MED27: variants seen among roughly 807,000 people sequenced by gnomAD.
MED27 encodes mediator of RNA polymerase II transcription subunit 27.
MED27 carries 30 observed loss-of-function variants against 38.2 expected under a neutral mutation model. The ratio of observed to expected loss-of-function variants is 0.79; its 90% CI spans 0.59 to 1.07. MED27 has a LOEUF of 1.07. Among genes scored for constraint, MED27 ranks in the 50% least tolerant of loss-of-function variants. The pLI is 0.00. For synonymous variants in MED27, 122 were observed against 153.5 expected (o/e 0.79, Z 1.52); for missense variants, 289 against 397.5 (o/e 0.73, Z 2.32).
chr9:131,966,036 C>G (rs1044375401), intron 3 of MED27, among the ~76,000 whole-genome samples: 1 of 149,856 alleles, frequency 6.7e-6, no homozygotes, highest in Non-Finnish European at 1.5e-5. Context: ...AGAGGACTTC[C>G]ACCTTGCAGT....
chr9:131,931,311 T>A (rs1377369104), intron 4 of MED27, among the ~76,000 whole-genome samples: 4 of 152,026 alleles, frequency 2.6e-5, no homozygotes, highest in African/African-American at 7.2e-5. Flanking sequence ...AAGATAGTAT[T>A]TGCAAACTTC....
chr9:131,937,342 G>A (rs1019636926), intron 4 of MED27, among the ~76,000 whole-genome samples: 3 of 152,120 alleles, frequency 2.0e-5, no homozygotes, highest in Admixed American at 2.0e-4. Context: ...TTCCTGTGTC[G>A]CTGAAGAAAG....
At chr9:132,069,365 A>G (rs1176125840) in intron 2 of MED27, among the ~76,000 whole-genome samples, 2 of 152,184 alleles carry the variant, frequency 1.3e-5, no homozygotes, top group African/African-American at 4.8e-5. Context: ...TAAAGTGACT[A>G]TTTTCAGAAA....
chr9:131,887,446 C>G (rs1292495076), intron 5 of MED27, among the ~76,000 whole-genome samples: 1 of 152,166 alleles, frequency 6.6e-6, no homozygotes, highest in Non-Finnish European at 1.5e-5. Flanking sequence ...CCATAGGGCC[C>G]TCTTTTGCTA....
At chr9:132,019,743 T>C (rs1021313437) in intron 2 of MED27, among the ~76,000 whole-genome samples, 6 of 152,248 alleles carry the variant, frequency 3.9e-5, no homozygotes, top group African/African-American at 1.2e-4. Context: ...CCCGCGGGGA[T>C]AGGTATGCTG....
At chr9:132,024,036 G>C (rs546176157) in intron 2 of MED27, among the ~76,000 whole-genome samples, 25 of 152,294 alleles carry the variant, frequency 1.6e-4, no homozygotes, top group African/African-American at 5.8e-4. Context: ...CCATGAAGCA[G>C]CAAAGGCTGA....
intron 2 of MED27, among the ~76,000 whole-genome samples, chr9:132,053,399 C>T (rs909485538): frequency 5.3e-5 from 8 of 152,028 alleles, no homozygotes; most frequent in Non-Finnish European, 1.0e-4. Flanking sequence ...CAATATAGTA[C>T]ACCAGGGAGA....
intron 4 of MED27, among the ~76,000 whole-genome samples, chr9:131,901,408 T>A (rs1829946242): frequency 6.6e-6 from 1 of 152,134 alleles, no homozygotes; most frequent in Non-Finnish European, 1.5e-5. Flanking sequence ...AACTGAGGCC[T>A]AGGGAGGTTA....
chr9:131,971,705 T>A (rs1831481705), intron 3 of MED27, among the ~76,000 whole-genome samples: 1 of 152,086 alleles, frequency 6.6e-6, no homozygotes, highest in East Asian at 1.9e-4. Flanking sequence ...TGGGCTAGAC[T>A]GGGAGTGGGG....
intron 3 of MED27, among the ~76,000 whole-genome samples, chr9:131,989,828 C>T (rs985536887): frequency 7.9e-5 from 12 of 151,722 alleles, no homozygotes; most frequent in Admixed American, 3.3e-4. Flanking sequence ...ACTATCAATT[C>T]GCCTATAACC....
At chr9:132,006,941 T>A (rs1388902669) in intron 3 of MED27, among the ~76,000 whole-genome samples, 2 of 152,202 alleles carry the variant, frequency 1.3e-5, no homozygotes, top group Non-Finnish European at 1.5e-5. Flanking sequence ...CTACCACACA[T>A]CTTGGAAAGG....
chr9:131,871,349 G>A (rs1838830666), intron 6 of MED27, among the ~76,000 whole-genome samples: 1 of 152,200 alleles, frequency 6.6e-6, no homozygotes, highest in South Asian at 2.1e-4. Context: ...GGTTTGTTCT[G>A]TAGCAGTAAG....
chr9:131,902,187 A>C (rs1589196142), intron 4 of MED27, among the ~76,000 whole-genome samples: 2 of 152,260 alleles, frequency 1.3e-5, no homozygotes, highest in East Asian at 3.9e-4. Context: ...AGACGCTAAT[A>C]AACTACTTGC....
At chr9:132,078,186 G>A (rs1834096637) in intron 1 of MED27, among the ~76,000 whole-genome samples, 1 of 152,136 alleles carries the variant, frequency 6.6e-6, no homozygotes, top group African/African-American at 2.4e-5. Flanking sequence ...GGGAAAGCGA[G>A]CCAACAAGAG....
rs749607968 is a variant in MED27, at chr9:131,966,383, C to CAAAAAAAAAAAAAAAA, written c.480-26925_480-26910dup. On this transcript the variant is annotated intron_variant, in intron 3 of 7. Transcript: ENST00000292035. ...CAGGCAAAAGAGCCAGACCCTGTCA[C>CAAAAAAAAAAAAAAAA]AAAAAAAAAAAAAAAAAGGAAAGGA... Among the ~76,000 whole-genome samples, 338 of 36,688 alleles carry CAAAAAAAAAAAAAAAA rather than the reference C, an allele frequency of 9.2e-3. 42 individuals are homozygous for CAAAAAAAAAAAAAAAA. Among genetic ancestry groups the CAAAAAAAAAAAAAAAA allele is most frequent in the South Asian group, 0.011 (9 of 844 alleles). 24.1% of individuals were successfully genotyped at this position (36,688 alleles called of 152,430 possible).
Position 131,883,383 on chromosome 9 carries a change from T to C in MED27, c.723+675A>G, listed in dbSNP as rs4467983. On this transcript the variant is annotated intron_variant, in intron 6 of 7. Coordinates refer to ENST00000292035, the MANE Select transcript of MED27 (RefSeq NM_004269.4). This position sits in a 1 kb window ranked among gnomAD's most constrained non-coding sequence, Gnocchi z 4.2. Reference sequence around the variant, plus strand: ...CAGAATCCTCATCAGCCACAGGGCCTGAGTTAGTCCAGGGAAGGGGCCCTG... The same window carrying C: ...CAGAATCCTCATCAGCCACAGGGCCCGAGTTAGTCCAGGGAAGGGGCCCTG... 0.089 allele frequency among the ~76,000 whole-genome samples: 13,518 copies of C among 152,194 alleles called. 1,224 individuals carry two copies. The highest frequency in any genetic ancestry group is 0.39 in the East Asian group (2,001 of 5,150).
At position 131,964,249 on chromosome 9, in the gene MED27, A is replaced by C. The variant is rs556228916; in HGVS notation, c.480-24775T>G. 2.3e-3 allele frequency among the ~76,000 whole-genome samples: 12 copies of C among 5,140 alleles called. No homozygotes were observed. The East Asian group carries it at 0.05, about 21-fold the overall frequency. 3.4% of individuals were successfully genotyped at this position (5,140 alleles called of 152,430 possible). A position where few individuals can be genotyped will look rare whatever the true frequency, so the allele number is the denominator to read the frequency against. On this transcript the variant is annotated intron_variant, in intron 3 of 7. Coordinates refer to ENST00000292035, the MANE Select transcript of MED27 (RefSeq NM_004269.4). ...GCTTAGAACAGTGTCTGACAGAGTA[A>C]TCACTCAATAAATAACAGCTGCCAG...
chr9:131,871,218 G>A (rs1020061289), intron 6 of MED27, among the ~76,000 whole-genome samples: 2 of 152,132 alleles, frequency 1.3e-5, no homozygotes, highest in Non-Finnish European at 2.9e-5. Flanking sequence ...GCACCCACAC[G>A]CTTTTTCCTA....
At chr9:131,934,791 C>G (rs1830651910) in intron 4 of MED27, among the ~76,000 whole-genome samples, 1 of 152,042 alleles carries the variant, frequency 6.6e-6, no homozygotes, top group East Asian at 1.9e-4. Flanking sequence ...TTCACAATAG[C>G]CAAAATTTGG....
Sources: gnomAD v4.1 joint callset for allele counts (sites outside exome capture counted in the v4.1 genomes callset) on GRCh38, gnomAD v4.1.1 for gene constraint, Gnocchi (gnomAD v3.1) non-coding constraint, MANE v1.5 for transcripts, NCBI Gene and HGNC (gene_info 2026-07-23, HGNC 2026-07-21) for gene names.